Variants in STEAP3 observed in about 807,000 individuals in gnomAD.
STEAP3 encodes metalloreductase STEAP3.
STEAP3 carries 35 observed loss-of-function variants against 34.9 expected under a neutral mutation model. The observed-to-expected ratio is 1.00, with a 90% CI of 0.76 to 1.33. The LOEUF is 1.33. Among genes scored for constraint, STEAP3 ranks in the 40% most tolerant of loss-of-function variants. The probability of loss-of-function intolerance (pLI) is 0.00; values close to 1 mark genes in which losing one functional copy is unlikely to be tolerated. For missense variants in STEAP3, 652 were observed against 667.6 expected (o/e 0.98, Z 0.26); for synonymous variants, 281 against 301.6 (o/e 0.93, Z 0.71).
intron 2 of STEAP3, chr2:119,239,294 G>A (rs1450018972): frequency 5.2e-5 from 8 of 152,454 alleles, no homozygotes; most frequent in Admixed American, 4.6e-4. Context: ...TTGAGACGGA[G>A]TCTCACTCTG....
Position 119,257,729 on chromosome 2 carries a change from G to A in STEAP3, c.1215+2881G>A, listed in dbSNP as rs1677817831. On this transcript the variant is annotated intron_variant, in intron 5 of 5. Transcript: ENST00000393110. ...CTCCTTTAAAGTTAGCGTGGCTAGTGAGAAGTTACCTGAGCCCCATCACCC... is the reference window on the plus strand; with the variant it reads ...CTCCTTTAAAGTTAGCGTGGCTAGTAAGAAGTTACCTGAGCCCCATCACCC... 1.4e-5 allele frequency: 19 copies of A among 1,388,026 alleles called. No individual in the cohort carries two copies. The South Asian group carries it at 3.2e-4, about 23-fold the overall frequency. 86.0% of individuals were successfully genotyped at this position (1,388,026 alleles called of 1,614,324 possible).
intron 1 of STEAP3, among the ~76,000 whole-genome samples, chr2:119,229,285 G>A (rs755111315): frequency 3.9e-5 from 6 of 152,120 alleles, no homozygotes; most frequent in Non-Finnish European, 5.9e-5. Flanking sequence ...TGGGATTACA[G>A]GTGTGCTCCA....
Position 119,245,538 on chromosome 2 carries a change from G to A in STEAP3, c.72G>A (p.Leu24=), listed in dbSNP as rs1005698184. The A allele has an allele frequency of 5.0e-6, 8 of 1,600,012 alleles. No homozygotes were observed. In the South Asian group the frequency reaches 6.6e-5, roughly 13 times the overall value. ...EMDKPLISLH[L]VDSDSSLAKV... ...ACAAGCCACTGATCAGCCTCCACCT[G>A]GTGGACAGCGATAGTAGCCTTGCCA... The change falls in exon 3 of 6, where the codon CTG becomes CTA. Residue 24 remains leucine, a synonymous_variant. Coordinates refer to ENST00000393110, the MANE Select transcript of STEAP3 (RefSeq NM_182915.3).
At chr2:119,227,098 C>T (rs838103) in intron 1 of STEAP3, among the ~76,000 whole-genome samples, 86,498 of 151,944 alleles carry the variant, frequency 0.57, 25,101 homozygotes, top group African/African-American at 0.64. Context: ...TTGTTGTCAT[C>T]AACCACCCCA....
At chr2:119,239,917 T>C (rs1479379122) in intron 2 of STEAP3, among the ~76,000 whole-genome samples, 1 of 152,244 alleles carries the variant, frequency 6.6e-6, no homozygotes. Flanking sequence ...TACAACGTTA[T>C]AGGGCACTGC....
chr2:119,238,951 C>T (rs1002337001), intron 2 of STEAP3, among the ~76,000 whole-genome samples: 6 of 152,042 alleles, frequency 3.9e-5, no homozygotes, highest in Non-Finnish European at 8.8e-5. Context: ...GCAATCTTGC[C>T]CTCCCAAAGC....
At position 119,245,617 on chromosome 2, in the gene STEAP3, C is replaced by A. The variant is rs558181581; in HGVS notation, c.151C>A (p.Arg51Ser). 1 of 1,609,600 alleles carries A rather than the reference C, an allele frequency of 6.2e-7. No individual in the cohort carries two copies. The highest frequency in any genetic ancestry group is 8.5e-7 in the Non-Finnish European group (1 of 1,176,306). Reference sequence around the variant, plus strand: ...CATCCTGGGTAGCGGGGACTTTGCCCGCTCCCTGGCCACACGCCTGGTGGG... The same window carrying A: ...CATCCTGGGTAGCGGGGACTTTGCCAGCTCCCTGGCCACACGCCTGGTGGG... ...VGILGSGDFA[R>S]SLATRLVGSG... Residue 51 changes from arginine to serine, a missense_variant, in exon 3 of 6, where the codon CGC (arginine) becomes AGC (serine). Arg to Ser is a moderately radical substitution (Grantham distance 110, BLOSUM62 -1). Transcript: ENST00000393110.
intron 5 of STEAP3, among the ~76,000 whole-genome samples, chr2:119,261,194 A>G (rs185235847): frequency 1.1e-3 from 167 of 152,200 alleles, no homozygotes; most frequent in African/African-American, 3.8e-3. Flanking sequence ...ACGGGGCCCA[A>G]TGTGGAATCA....
rs919773573 is a variant in STEAP3 at position 119,265,482 on chromosome 2, C to T, written c.*2144C>T. On this transcript the variant is annotated 3_prime_UTR_variant, in exon 6 of 6. Transcript: ENST00000393110. ...CATCATCTCCACAGCCTGGTAAATT[C>T]CATGTGCCTCTGGGTACAAAAGTGC... is the stretch of plus-strand genomic sequence containing the variant. 1 of 152,208 alleles carries T rather than the reference C, an allele frequency of 6.6e-6. No homozygotes were observed. Among genetic ancestry groups the T allele is most frequent in the African/African-American group, 2.4e-5 (1 of 41,452 alleles). The allele number at this position is 152,208 out of a possible 1,614,324, so 9.4% of individuals were successfully genotyped here.
intron 2 of STEAP3, among the ~76,000 whole-genome samples, chr2:119,240,770 G>A (rs370637518): frequency 1.5e-3 from 235 of 152,204 alleles, no homozygotes; most frequent in African/African-American, 5.3e-3. Flanking sequence ...GACAGGCCTC[G>A]GCCCACAGAG....
At chr2:119,226,830 C>T (rs1276008523) in intron 1 of STEAP3, among the ~76,000 whole-genome samples, 1 of 152,188 alleles carries the variant, frequency 6.6e-6, no homozygotes, top group Non-Finnish European at 1.5e-5. Context: ...ACTTTATCTA[C>T]AGGAGCTCAT....
At chr2:119,260,865 G>C (rs1214328001) in intron 5 of STEAP3, among the ~76,000 whole-genome samples, 1 of 152,162 alleles carries the variant, frequency 6.6e-6, no homozygotes, top group Non-Finnish European at 1.5e-5. Flanking sequence ...TTCGTGGTGA[G>C]CCAGAAGTTG....
At chr2:119,239,101 A>G (rs1677169832) in intron 2 of STEAP3, among the ~76,000 whole-genome samples, 1 of 152,164 alleles carries the variant, frequency 6.6e-6, no homozygotes, top group Non-Finnish European at 1.5e-5. Context: ...TTGAGGGAAA[A>G]TCGGTATTTT....
intron 2 of STEAP3, among the ~76,000 whole-genome samples, chr2:119,237,892 G>A (rs1430902820): frequency 6.6e-6 from 1 of 152,118 alleles, no homozygotes; most frequent in East Asian, 1.9e-4. Context: ...CTATTGATTT[G>A]TTTATTCTAG....
At chr2:119,255,930 CGG>C (rs1677761465) in intron 5 of STEAP3, among the ~76,000 whole-genome samples, 1 of 152,188 alleles carries the variant, frequency 6.6e-6, no homozygotes, top group Non-Finnish European at 1.5e-5. Context: ...ATAAAGGAAA[CGG>C]AGGCAGGGAC....
intron 2 of STEAP3, among the ~76,000 whole-genome samples, chr2:119,233,687 G>A (rs943920866): frequency 5.3e-5 from 8 of 152,210 alleles, no homozygotes; most frequent in Non-Finnish European, 1.2e-4. Context: ...TGAGGTGACA[G>A]ACAAGAGAAC....
At chr2:119,232,369 G>C (rs1192635891) in intron 2 of STEAP3, among the ~76,000 whole-genome samples, 1 of 152,184 alleles carries the variant, frequency 6.6e-6, no homozygotes, top group Non-Finnish European at 1.5e-5. Flanking sequence ...GCCTTCTGCA[G>C]GTCAAACCCT....
chr2:119,242,444 A>G (rs989003527), intron 2 of STEAP3, among the ~76,000 whole-genome samples: 7 of 152,114 alleles, frequency 4.6e-5, no homozygotes, highest in African/African-American at 1.7e-4. Flanking sequence ...CCTCGGCCCA[A>G]ATTGCAGATG....
intron 1 of STEAP3, among the ~76,000 whole-genome samples, chr2:119,228,794 G>A (rs547118895): frequency 6.6e-6 from 1 of 152,142 alleles, no homozygotes; most frequent in Admixed American, 6.5e-5. Context: ...CTTGTGGGGG[G>A]TGCTGAGAGG....
Sources: allele counts gnomAD v4.1 joint callset (sites outside exome capture counted in the v4.1 genomes callset), GRCh38; gene constraint gnomAD v4.1.1; transcripts MANE v1.5; gene names NCBI Gene and HGNC (gene_info 2026-07-23, HGNC 2026-07-21).